Variants in SCEL observed in about 807,000 individuals in gnomAD.
SCEL encodes the protein sciellin.
In SCEL, 113 loss-of-function variants were observed where a neutral mutation model predicts 117.6. The ratio of observed to expected loss-of-function variants is 0.96; its 90% CI spans 0.83 to 1.12. The LOEUF is 1.12. SCEL is among the 50% of genes most tolerant of loss of function. The pLI, the probability that SCEL is intolerant of heterozygous loss-of-function variation, is 0.00. For missense variants in SCEL, 785 were observed against 810.8 expected (o/e 0.97, Z 0.39); for synonymous variants, 270 against 256.2 (o/e 1.05, Z -0.51).
chr13:77,616,095 A>G (rs1288549154), intron 24 of SCEL, among the ~76,000 whole-genome samples: 2 of 149,220 alleles, frequency 1.3e-5, no homozygotes, highest in Non-Finnish European at 3.0e-5. Context: ...TGTATTTCTT[A>G]TTGGGCTTTA....
intron 19 of SCEL, among the ~76,000 whole-genome samples, chr13:77,606,845 GC>G (rs1382620397): frequency 6.6e-6 from 1 of 152,022 alleles, no homozygotes; most frequent in Non-Finnish European, 1.5e-5. Context: ...GTGCAAAAGG[GC>G]CTTCCTGTGG....
intron 9 of SCEL, among the ~76,000 whole-genome samples, chr13:77,584,115 C>T (rs565890272): frequency 1.3e-5 from 2 of 152,312 alleles, no homozygotes; most frequent in Non-Finnish European, 1.5e-5. Flanking sequence ...GCTTAAACAT[C>T]GCATCTCAAA....
At chr13:77,602,461 T>C in intron 16 of SCEL, 193 bp from the exon 17 acceptor site, 1 of 562,652 alleles carries the variant, frequency 1.8e-6, no homozygotes, top group Admixed American at 3.2e-5. Flanking sequence ...TCTAAACTGA[T>C]TTAGACACAT....
chr13:77,608,745 G>T (rs944558530), intron 20 of SCEL, among the ~76,000 whole-genome samples: 2 of 152,144 alleles, frequency 1.3e-5, no homozygotes, highest in African/African-American at 4.8e-5. Flanking sequence ...GCATTAGATG[G>T]AATGCTTAGG....
At chr13:77,632,620 T>G (rs1269186621) in intron 28 of SCEL, among the ~76,000 whole-genome samples, 1 of 152,224 alleles carries the variant, frequency 6.6e-6, no homozygotes, top group Non-Finnish European at 1.5e-5. Context: ...TGTTTGAGAA[T>G]GATAAGGCTT....
At chr13:77,558,014 G>A (rs1009667978) in intron 3 of SCEL, among the ~76,000 whole-genome samples, 2 of 152,210 alleles carry the variant, frequency 1.3e-5, no homozygotes, top group Admixed American at 6.5e-5. Flanking sequence ...TTTGGAGTTA[G>A]CACTATTGGA....
chr13:77,623,834 T>C (rs1279466298), intron 27 of SCEL, among the ~76,000 whole-genome samples: 3 of 152,226 alleles, frequency 2.0e-5, no homozygotes, highest in African/African-American at 7.2e-5. Flanking sequence ...GTTAAAGATG[T>C]CCACCATAAG....
chr13:77,602,026 A>C (rs764248635), intron 15 of SCEL, 39 bp from the exon 16 acceptor site: 34 of 1,551,288 alleles, frequency 2.2e-5, no homozygotes, highest in Non-Finnish European at 2.9e-5. Context: ...CTCTTGCCTC[A>C]CTCTCTCTTT....
At chr13:77,616,254 A>G (rs1049968995) in intron 24 of SCEL, among the ~76,000 whole-genome samples, 2 of 152,000 alleles carry the variant, frequency 1.3e-5, no homozygotes, top group Non-Finnish European at 2.9e-5. Context: ...ATCTGTGGTT[A>G]CACTAACCAA....
intron 14 of SCEL, 109 bp from the exon 15 acceptor site, chr13:77,599,580 G>C (rs558936922): frequency 1.1e-6 from 1 of 938,816 alleles, no homozygotes; most frequent in South Asian, 1.4e-5. Flanking sequence ...CATTCAATAA[G>C]AGTAAATGAG....
At chr13:77,584,446 T>C (rs1007170480) in intron 9 of SCEL, among the ~76,000 whole-genome samples, 4 of 152,188 alleles carry the variant, frequency 2.6e-5, no homozygotes, top group Non-Finnish European at 5.9e-5. Flanking sequence ...TCTCTGCTTT[T>C]CTTGGCCTTC....
chr13:77,616,011 T>A lies in SCEL; in HGVS notation c.1452-1588T>A, dbSNP rs75056973. On this transcript the variant is annotated intron_variant, in intron 24 of 32. Transcript: ENST00000349847. The stretch of plus-strand genomic sequence containing the variant: ...CATAAAATTTATGTCTCTCTGTGTG[T>A]GTGTGTGTGTGTGTGTGTGTGTGTG... 6.4e-3 allele frequency among the ~76,000 whole-genome samples: 890 copies of A among 137,990 alleles called. 9 individuals carry two copies. Among genetic ancestry groups the A allele is most frequent in the African/African-American group, 0.021 (778 of 37,058 alleles). The allele number at this position is 137,990 out of a possible 152,430, so 90.5% of individuals were successfully genotyped here.
At chr13:77,544,329 C>A (rs2083882275) in intron 1 of SCEL, among the ~76,000 whole-genome samples, 1 of 152,034 alleles carries the variant, frequency 6.6e-6, no homozygotes, top group Admixed American at 6.5e-5. Flanking sequence ...ATTTTAGTTT[C>A]TTTGTTCACA....
intron 9 of SCEL, among the ~76,000 whole-genome samples, chr13:77,587,938 AGCCTCATG>A (rs2086654887): frequency 6.6e-6 from 1 of 152,138 alleles, no homozygotes; most frequent in African/African-American, 2.4e-5. Context: ...TTCTCCAGAT[AGCCTCATG>A]GCTTACTCTA....
At chr13:77,590,992 A>G (rs547853830) in intron 10 of SCEL, among the ~76,000 whole-genome samples, 19 of 152,242 alleles carry the variant, frequency 1.2e-4, no homozygotes, top group African/African-American at 4.1e-4. Context: ...ATGAACAAAT[A>G]TATTTCTTGA....
At chr13:77,634,175 A>G (rs979897637) in intron 28 of SCEL, among the ~76,000 whole-genome samples, 1 of 152,250 alleles carries the variant, frequency 6.6e-6, no homozygotes, top group African/African-American at 2.4e-5. Context: ...GAAGTAAACC[A>G]AGACAGTGGA....
intron 15 of SCEL, among the ~76,000 whole-genome samples, chr13:77,601,630 T>A (rs2087704739): frequency 6.6e-6 from 1 of 152,242 alleles, no homozygotes; most frequent in Non-Finnish European, 1.5e-5. Context: ...ATCTGCTAAC[T>A]TTTTAAGAGA....
chr13:77,642,865 A>G (rs1330741387), intron 32 of SCEL, 57 bp downstream of exon 32: 2 of 851,606 alleles, frequency 2.3e-6, no homozygotes, highest in Admixed American at 2.7e-5. Flanking sequence ...AGCATTTGGT[A>G]TCATTTAAAA....
chr13:77,607,708 A>G (rs1434573636), intron 19 of SCEL, among the ~76,000 whole-genome samples: 1 of 152,238 alleles, frequency 6.6e-6, no homozygotes, highest in African/African-American at 2.4e-5. Context: ...TCATGAAACA[A>G]GTATATAGAC....
Sources: gnomAD v4.1 joint callset for allele counts (sites outside exome capture counted in the v4.1 genomes callset) on GRCh38, gnomAD v4.1.1 for gene constraint, MANE v1.5 for transcripts, NCBI Gene and HGNC (gene_info 2026-07-23, HGNC 2026-07-21) for gene names.